Variants in DOCK4 observed in about 807,000 individuals in gnomAD.
The protein encoded by DOCK4 is dedicator of cytokinesis protein 4.
DOCK4 carries 97 observed loss-of-function variants against 268.1 expected under a neutral mutation model. The ratio of observed to expected loss-of-function variants is 0.36; its 90% confidence interval spans 0.31 to 0.43. The LOEUF (loss-of-function observed/expected upper bound fraction) is 0.43. Ranked by LOEUF, DOCK4 falls within the 20% of genes least tolerant of loss-of-function variation. The pLI, the probability that DOCK4 is intolerant of heterozygous loss-of-function variation, is 1.00. For missense variants in DOCK4, 2,145 were observed against 2,455.7 expected (o/e 0.87, Z 2.67); for synonymous variants, 954 against 887.2 (o/e 1.08, Z -1.34).
At chr7:112,043,760 C>T (rs1804604441) in intron 1 of DOCK4, among the ~76,000 whole-genome samples, 1 of 151,724 alleles carries the variant, frequency 6.6e-6, no homozygotes, top group South Asian at 2.1e-4. Context: ...ATCTAAATAC[C>T]CCCTAGATAA....
chr7:111,862,228 G>C (rs886860521), intron 23 of DOCK4, among the ~76,000 whole-genome samples: 1 of 151,890 alleles, frequency 6.6e-6, no homozygotes, highest in Admixed American at 6.5e-5. Flanking sequence ...GAACCTGGGA[G>C]GCAGAAGTTG....
chr7:111,747,222 T>C (rs368186774), intron 43 of DOCK4, 45 bp downstream of exon 43: 15 of 1,571,988 alleles, frequency 9.5e-6, no homozygotes, highest in South Asian at 7.0e-5. Context: ...CCCTAAGAAG[T>C]CACAATTGAA....
chr7:112,007,358 G>A (rs1447383423), intron 1 of DOCK4, among the ~76,000 whole-genome samples: 2 of 152,090 alleles, frequency 1.3e-5, no homozygotes. Context: ...AAGCCACTGA[G>A]GAATGGTGTC....
At chr7:112,041,173 T>C (rs1804322382) in intron 1 of DOCK4, among the ~76,000 whole-genome samples, 1 of 152,206 alleles carries the variant, frequency 6.6e-6, no homozygotes, top group Non-Finnish European at 1.5e-5. Context: ...TACCCATCTA[T>C]TGTGACAGGA....
chr7:111,824,119 A>G (rs1490874259), intron 26 of DOCK4, among the ~76,000 whole-genome samples: 1 of 152,212 alleles, frequency 6.6e-6, no homozygotes, highest in East Asian at 1.9e-4. Context: ...CACTGGAAGC[A>G]GAGTTTGCCA....
At chr7:111,978,148 C>G (rs375796188) in intron 7 of DOCK4, among the ~76,000 whole-genome samples, 1 of 152,322 alleles carries the variant, frequency 6.6e-6, no homozygotes, top group Non-Finnish European at 1.5e-5. Context: ...CATCTATCTA[C>G]TAGGGGAAGC....
chr7:112,018,143 CAAAAAAAAAAAAA>C lies in DOCK4; in HGVS notation c.38-14025_38-14013del, dbSNP rs140883588. On this transcript the variant is annotated intron_variant, in intron 1 of 52. Coordinates refer to ENST00000428084, the MANE Select transcript of DOCK4 (RefSeq NM_001363540.2). ...TGGGCAACACAGCAAGACTCCAGCTCAAAAAAAAAAAAAAAAAAAAAAAAAAAAAAAAAAAAAC... is the reference window on the plus strand; with the variant it reads ...TGGGCAACACAGCAAGACTCCAGCTCAAAAAAAAAAAAAAAAAAAAAAAAC... Among the ~76,000 whole-genome samples the C allele has an allele frequency of 6.1e-3, 125 of 20,618 alleles. 5 individuals carry two copies. Among genetic ancestry groups the C allele is most frequent in the Admixed American group, 0.016 (17 of 1,042 alleles). The allele number at this position is 20,618 out of a possible 152,430, so 13.5% of individuals were successfully genotyped here. A position where few individuals can be genotyped will look rare whatever the true frequency, so the allele number is the denominator to read the frequency against.
chr7:112,144,195 G>A (rs1815210833), intron 1 of DOCK4, among the ~76,000 whole-genome samples: 1 of 152,108 alleles, frequency 6.6e-6, no homozygotes. Flanking sequence ...CAAGACACAT[G>A]GACACAAGAG....
rs567703124 is a variant in DOCK4 at position 111,800,224 on chromosome 7, A to T, written c.3166+8597T>A. Among the ~76,000 whole-genome samples, 24 of 110,038 alleles carry T rather than the reference A, an allele frequency of 2.2e-4. No individual in the cohort carries two copies. In the East Asian group the frequency reaches 4.7e-3, roughly 22 times the overall value. 72.2% of individuals were successfully genotyped at this position (110,038 alleles called of 152,430 possible). A position where few individuals can be genotyped will look rare whatever the true frequency, so the allele number is the denominator to read the frequency against. On this transcript the variant is annotated intron_variant, in intron 30 of 52. Transcript: ENST00000428084. ...ATTTTGTATGGTAAATACTTGTCCT[A>T]AAAAAAAAAAAACAGCAACAACAAC...
intron 1 of DOCK4, among the ~76,000 whole-genome samples, chr7:112,120,312 T>G (rs1812620050): frequency 6.6e-6 from 1 of 152,178 alleles, no homozygotes; most frequent in African/African-American, 2.4e-5. Flanking sequence ...ACATGTCATT[T>G]GTTGGAATTT....
intron 8 of DOCK4, among the ~76,000 whole-genome samples, chr7:111,973,179 AT>A: frequency 6.9e-6 from 1 of 145,306 alleles, no homozygotes; most frequent in African/African-American, 2.5e-5. Flanking sequence ...ATATATATAT[AT>A]ATATATAATA....
intron 11 of DOCK4, among the ~76,000 whole-genome samples, chr7:111,938,788 C>T (rs954599092): frequency 1.3e-5 from 2 of 151,980 alleles, no homozygotes; most frequent in East Asian, 1.9e-4. Context: ...GTGAACCACA[C>T]TCTAATATGA....
intron 50 of DOCK4, among the ~76,000 whole-genome samples, chr7:111,735,741 T>TGCAGGAATATGGGGCAATCCTG (rs1795429075): frequency 6.6e-6 from 1 of 152,204 alleles, no homozygotes; most frequent in South Asian, 2.1e-4. Context: ...TTCGATAAGA[T>TGCAGGAATATGGGGCAATCCTG]GCAGGAATAT....
chr7:111,951,535 G>C (rs1445824898), intron 8 of DOCK4, among the ~76,000 whole-genome samples: 2 of 151,814 alleles, frequency 1.3e-5, no homozygotes, highest in Non-Finnish European at 2.9e-5. Flanking sequence ...GGCATGGTAT[G>C]GTAGCTCACT....
At chr7:111,969,586 A>G (rs529202493) in intron 8 of DOCK4, among the ~76,000 whole-genome samples, 2 of 152,130 alleles carry the variant, frequency 1.3e-5, no homozygotes, top group East Asian at 3.9e-4. Context: ...CATGGTAGAA[A>G]AAGAAATCTC....
chr7:111,974,689 T>C (rs1393011989), intron 8 of DOCK4, among the ~76,000 whole-genome samples: 1 of 151,866 alleles, frequency 6.6e-6, no homozygotes. Context: ...CCCAGCCACA[T>C]TACAGACCAG....
At chr7:112,072,637 G>A (rs1350133235) in intron 1 of DOCK4, among the ~76,000 whole-genome samples, 1 of 152,154 alleles carries the variant, frequency 6.6e-6, no homozygotes, top group African/African-American at 2.4e-5. Flanking sequence ...GGAATGTCAG[G>A]CAACCATCAG....
intron 35 of DOCK4, among the ~76,000 whole-genome samples, chr7:111,779,925 T>C (rs1452398035): frequency 6.6e-6 from 1 of 152,232 alleles, no homozygotes; most frequent in African/African-American, 2.4e-5. Flanking sequence ...CTACTATTAC[T>C]ACTTATTGTT....
intron 12 of DOCK4, among the ~76,000 whole-genome samples, chr7:111,930,427 G>A (rs1162014155): frequency 6.6e-6 from 1 of 152,086 alleles, no homozygotes; most frequent in Non-Finnish European, 1.5e-5. Flanking sequence ...GAAGCATAAA[G>A]GGCCTGGAAA....
Sources: allele counts gnomAD v4.1 joint callset (sites outside exome capture counted in the v4.1 genomes callset), GRCh38; gene constraint gnomAD v4.1.1; transcripts MANE v1.5; gene names NCBI Gene and HGNC (gene_info 2026-07-23, HGNC 2026-07-21).